The following LRRC4C variants were observed in gnomAD, a reference collection of about 807,000 sequenced individuals.
LRRC4C encodes leucine-rich repeat-containing protein 4C.
Under a neutral mutation model 33.6 loss-of-function variants are expected in LRRC4C, and 5 were observed. That is an observed-to-expected ratio of 0.15 (90% CI 0.08 to 0.31). LRRC4C has a LOEUF of 0.31. Among genes scored for constraint, LRRC4C ranks in the 10% least tolerant of loss-of-function variants. LRRC4C has a pLI of 1.00. For missense variants in LRRC4C, 560 were observed against 796.7 expected (o/e 0.70, Z 3.58); for synonymous variants, 329 against 302.0 (o/e 1.09, Z -0.93).
At chr11:40,409,169 T>C (rs947373146) in intron 3 of LRRC4C, among the ~76,000 whole-genome samples, 4 of 151,944 alleles carry the variant, frequency 2.6e-5, no homozygotes, top group African/African-American at 9.7e-5. Context: ...CTTAAATAAA[T>C]AGTTTTGAGA....
At chr11:41,139,283 A>G (rs1017395904) in intron 1 of LRRC4C, among the ~76,000 whole-genome samples, 8 of 152,216 alleles carry the variant, frequency 5.3e-5, no homozygotes, top group African/African-American at 1.9e-4. Context: ...GGACTTATAT[A>G]CAATGTCTAT....
intron 1 of LRRC4C, among the ~76,000 whole-genome samples, chr11:41,048,499 G>A (rs1230915659): frequency 1.3e-5 from 2 of 151,878 alleles, no homozygotes; most frequent in African/African-American, 4.8e-5. Flanking sequence ...TCCTGACCTC[G>A]TGATCCACCC....
intron 3 of LRRC4C, among the ~76,000 whole-genome samples, chr11:40,443,237 A>T (rs1161878707): frequency 6.6e-6 from 1 of 152,158 alleles, no homozygotes; most frequent in Non-Finnish European, 1.5e-5. Context: ...GCACCATAGA[A>T]ATTTCCCCTG....
chr11:40,133,276 G>A (rs1856767192), intron 6 of LRRC4C, among the ~76,000 whole-genome samples: 1 of 152,044 alleles, frequency 6.6e-6, no homozygotes, highest in Non-Finnish European at 1.5e-5. Flanking sequence ...TTTTTATAAT[G>A]AGCAATGCAA....
At chr11:40,788,948 C>G (rs1950521395) in intron 2 of LRRC4C, among the ~76,000 whole-genome samples, 1 of 151,924 alleles carries the variant, frequency 6.6e-6, no homozygotes, top group African/African-American at 2.4e-5. Flanking sequence ...AAAAAATTAG[C>G]TGGGCATGGT....
At chr11:41,319,003 T>C (rs1433275873) in intron 1 of LRRC4C, among the ~76,000 whole-genome samples, 1 of 152,226 alleles carries the variant, frequency 6.6e-6, no homozygotes, top group Non-Finnish European at 1.5e-5. Context: ...GAGAACAAGT[T>C]ATCATACTTT....
intron 1 of LRRC4C, among the ~76,000 whole-genome samples, chr11:41,041,850 A>G (rs1377837570): frequency 2.0e-5 from 3 of 152,196 alleles, no homozygotes; most frequent in African/African-American, 7.2e-5. Flanking sequence ...ATAGTCACAC[A>G]ATTATGGATT....
chr11:41,034,626 T>C (rs894686375), intron 1 of LRRC4C, among the ~76,000 whole-genome samples: 6 of 144,296 alleles, frequency 4.2e-5, no homozygotes, highest in African/African-American at 1.5e-4. Context: ...TATATATATA[T>C]ATATATATAT....
intron 2 of LRRC4C, among the ~76,000 whole-genome samples, chr11:40,689,961 C>A (rs753595135): frequency 1.3e-5 from 2 of 152,060 alleles, no homozygotes; most frequent in Non-Finnish European, 2.9e-5. Flanking sequence ...TTTACTTATT[C>A]TTTCATGCGT....
At chr11:41,196,876 A>G (rs1946200894) in intron 1 of LRRC4C, among the ~76,000 whole-genome samples, 2 of 152,056 alleles carry the variant, frequency 1.3e-5, no homozygotes, top group African/African-American at 4.8e-5. Flanking sequence ...CCTGTTCCCA[A>G]CTTTCTGCAG....
At chr11:41,161,622 T>A in intron 1 of LRRC4C, among the ~76,000 whole-genome samples, 2 of 152,228 alleles carry the variant, frequency 1.3e-5, no homozygotes, top group East Asian at 3.9e-4. Context: ...CTCTAACAGT[T>A]ACTGTTTACT....
intron 1 of LRRC4C, among the ~76,000 whole-genome samples, chr11:41,336,030 G>C (rs1444820261): frequency 6.6e-6 from 1 of 152,140 alleles, no homozygotes; most frequent in Non-Finnish European, 1.5e-5. Flanking sequence ...TCTTATATTT[G>C]AGTGTCTGTA....
intron 3 of LRRC4C, among the ~76,000 whole-genome samples, chr11:40,452,113 C>T (rs978361702): frequency 5.3e-5 from 8 of 152,094 alleles, no homozygotes. Flanking sequence ...CCATCTGTAC[C>T]ATCATCAAAG....
chr11:41,251,316 A>G (rs1055626201), intron 1 of LRRC4C, among the ~76,000 whole-genome samples: 1 of 152,198 alleles, frequency 6.6e-6, no homozygotes, highest in African/African-American at 2.4e-5. Context: ...CATCACTAAC[A>G]TCTAATTCTT....
intron 1 of LRRC4C, among the ~76,000 whole-genome samples, chr11:41,060,102 C>T (rs975503376): frequency 6.6e-6 from 1 of 152,186 alleles, no homozygotes; most frequent in Non-Finnish European, 1.5e-5. Flanking sequence ...CTTATATGCA[C>T]ATTAAAGTTT....
intron 1 of LRRC4C, among the ~76,000 whole-genome samples, chr11:41,063,050 C>G (rs912882365): frequency 2.0e-5 from 3 of 151,972 alleles, no homozygotes; most frequent in African/African-American, 7.3e-5. Context: ...TTATGACAAC[C>G]CTAGGCAACT....
At chr11:40,244,087 C>T (rs1235569845) in intron 4 of LRRC4C, among the ~76,000 whole-genome samples, 3 of 152,002 alleles carry the variant, frequency 2.0e-5, no homozygotes, top group African/African-American at 4.8e-5. Flanking sequence ...AAAAGGCAAG[C>T]GAACCTAGAA....
rs73475341 is a variant in LRRC4C, at chr11:40,749,033, G to C, written c.-406-100755C>G. ...AGAGAGAGAGCGACTGCAATGGAATGATTGTAGGAGATTCAACGTAAGACA... is the reference window on the plus strand; with the variant it reads ...AGAGAGAGAGCGACTGCAATGGAATCATTGTAGGAGATTCAACGTAAGACA... On this transcript the variant is annotated intron_variant, in intron 2 of 6. Coordinates refer to ENST00000528697, the MANE Select transcript of LRRC4C (RefSeq NM_001258419.2). Among the ~76,000 whole-genome samples the C allele has an allele frequency of 5.2e-3, 793 of 152,188 alleles. 11 individuals carry two copies. The highest frequency in any genetic ancestry group is 0.018 in the African/African-American group (768 of 41,550).
chr11:40,609,224 A>G (rs900432496), intron 3 of LRRC4C, among the ~76,000 whole-genome samples: 9 of 152,150 alleles, frequency 5.9e-5, no homozygotes, highest in Non-Finnish European at 1.2e-4. Flanking sequence ...AGTATATTAT[A>G]TGATTACAAG....
Sources: gnomAD v4.1 joint callset for allele counts (sites outside exome capture counted in the v4.1 genomes callset) on GRCh38, gnomAD v4.1.1 for gene constraint, MANE v1.5 for transcripts, NCBI Gene and HGNC (gene_info 2026-07-23, HGNC 2026-07-21) for gene names.